The following CCSER1 variants were observed in gnomAD, a reference collection of about 807,000 sequenced individuals.
CCSER1 encodes the protein coiled-coil serine rich protein 1.
A neutral mutation model predicts 82.0 loss-of-function variants in CCSER1; 41 were observed. That is an observed-to-expected ratio of 0.50 (90% CI 0.39 to 0.65). The LOEUF is 0.65. Among genes scored for constraint, CCSER1 ranks in the 30% least tolerant of loss-of-function variants. CCSER1 has a pLI of 0.00. For missense variants in CCSER1, 1,119 were observed against 1,064.2 expected (o/e 1.05, Z -0.72); for synonymous variants, 414 against 383.9 (o/e 1.08, Z -0.92).
intron 10 of CCSER1, among the ~76,000 whole-genome samples, chr4:91,368,756 G>C (rs1749817307): frequency 6.6e-6 from 1 of 151,928 alleles, no homozygotes; most frequent in South Asian, 2.1e-4. Context: ...TAACTATAAA[G>C]TTCACAAAAT....
intron 1 of CCSER1, among the ~76,000 whole-genome samples, chr4:90,221,444 C>A (rs1742135385): frequency 6.6e-6 from 1 of 152,096 alleles, no homozygotes; most frequent in Non-Finnish European, 1.5e-5. Flanking sequence ...TATGCTAAGA[C>A]CTGTACCAGG....
intron 6 of CCSER1, chr4:90,683,078 T>G (rs1221822096): frequency 6.6e-6 from 1 of 152,296 alleles, no homozygotes; most frequent in Admixed American, 6.6e-5. Context: ...CTGAAGAGTC[T>G]CCTGGAAATT....
intron 10 of CCSER1, among the ~76,000 whole-genome samples, chr4:91,462,879 G>T (rs1021552725): frequency 1.3e-5 from 2 of 152,012 alleles, no homozygotes; most frequent in Non-Finnish European, 2.9e-5. Flanking sequence ...ACTGGGTAGA[G>T]CCCACCTCTG....
At chr4:90,262,187 A>T (rs1467842381) in intron 1 of CCSER1, among the ~76,000 whole-genome samples, 1 of 152,000 alleles carries the variant, frequency 6.6e-6, no homozygotes, top group Non-Finnish European at 1.5e-5. Flanking sequence ...CATATTACAA[A>T]TCCCTGTCTT....
chr4:90,276,298 CCTTCCTTCCTTTCTTT>C (rs1560930180), intron 1 of CCSER1, among the ~76,000 whole-genome samples: 1 of 123,022 alleles, frequency 8.1e-6, no homozygotes, highest in Non-Finnish European at 1.7e-5. Context: ...TTCCTTCCTT[CCTTCCTTCCTTTCTTT>C]CTTTTTCTTT....
Position 91,083,024 on chromosome 4 carries a change from C to T in CCSER1, c.2173-2926C>T, listed in dbSNP as rs1365948351. Among the ~76,000 whole-genome samples the T allele has an allele frequency of 3.9e-5, 6 of 152,254 alleles. No homozygotes were observed. In the East Asian group the frequency reaches 9.7e-4, roughly 25 times the overall value. On this transcript the variant is annotated intron_variant, in intron 9 of 10. Transcript: ENST00000509176. Reference sequence around the variant, plus strand: ...GTGGCGATTCCTCAAGGATCTAGAACTAGGAATAGCATTTGACCCAGCCAT... The same window carrying T: ...GTGGCGATTCCTCAAGGATCTAGAATTAGGAATAGCATTTGACCCAGCCAT...
intron 10 of CCSER1, among the ~76,000 whole-genome samples, chr4:91,383,260 T>C (rs973449537): frequency 4.3e-4 from 66 of 152,148 alleles, no homozygotes; most frequent in African/African-American, 1.5e-3. Context: ...GATAAAGGTA[T>C]TGAGCATTTT....
chr4:91,574,043 A>T (rs1167155796), intron 10 of CCSER1, among the ~76,000 whole-genome samples: 1 of 152,136 alleles, frequency 6.6e-6, no homozygotes, highest in Non-Finnish European at 1.5e-5. Context: ...CTATTGTTCC[A>T]TTGATTGGAA....
intron 4 of CCSER1, among the ~76,000 whole-genome samples, chr4:90,466,984 C>T (rs181987504): frequency 1.7e-4 from 26 of 152,272 alleles, no homozygotes; most frequent in Admixed American, 1.0e-3. Context: ...ATAAATAAAT[C>T]GTGGTATATT....
chr4:90,782,074 T>A (rs1267172059), intron 7 of CCSER1: 2 of 567,502 alleles, frequency 3.5e-6, no homozygotes, highest in Non-Finnish European at 4.5e-6. Context: ...CTTTCTTGAG[T>A]ATTCAAGGAT....
chr4:90,607,781 A>G (rs891424084), intron 5 of CCSER1, among the ~76,000 whole-genome samples: 7 of 152,194 alleles, frequency 4.6e-5, no homozygotes, highest in African/African-American at 1.7e-4. Flanking sequence ...AATTCAACCC[A>G]TACAGAGGGT....
At chr4:90,865,891 T>C (rs1018078611) in intron 8 of CCSER1, among the ~76,000 whole-genome samples, 1 of 151,952 alleles carries the variant, frequency 6.6e-6, no homozygotes, top group Non-Finnish European at 1.5e-5. Flanking sequence ...CCACAGGCTG[T>C]ACAGGAAGCA....
chr4:90,851,573 C>CTTTTTT (rs35593031), intron 8 of CCSER1, among the ~76,000 whole-genome samples: 2 of 129,802 alleles, frequency 1.5e-5, no homozygotes, highest in Non-Finnish European at 3.3e-5. Context: ...ACTTATAGAG[C>CTTTTTT]TTTTTTTTTT....
chr4:90,149,864 A>G (rs566365506), intron 1 of CCSER1, among the ~76,000 whole-genome samples: 2 of 152,160 alleles, frequency 1.3e-5, no homozygotes, highest in Non-Finnish European at 2.9e-5. Flanking sequence ...TCTGCATTGT[A>G]TGTAAAAGCA....
chr4:90,783,971 A>G (rs1187991687), intron 7 of CCSER1, among the ~76,000 whole-genome samples: 2 of 151,806 alleles, frequency 1.3e-5, no homozygotes, highest in East Asian at 1.9e-4. Context: ...TGCAACTTAC[A>G]AAAAAAAAGA....
intron 10 of CCSER1, among the ~76,000 whole-genome samples, chr4:91,513,222 T>C (rs904067958): frequency 1.3e-5 from 2 of 152,170 alleles, no homozygotes; most frequent in Admixed American, 6.6e-5. Context: ...TCTATGGAGA[T>C]GATAATTTTT....
At chr4:91,070,000 T>C (rs77596541) in intron 9 of CCSER1, among the ~76,000 whole-genome samples, 15 of 150,440 alleles carry the variant, frequency 1.0e-4, no homozygotes, top group Admixed American at 4.0e-4. Context: ...TTTTTTTTTT[T>C]CCAAGAAATA....
intron 3 of CCSER1, among the ~76,000 whole-genome samples, chr4:90,359,955 G>A (rs1745055619): frequency 6.9e-6 from 1 of 144,030 alleles, no homozygotes; most frequent in African/African-American, 2.5e-5. Flanking sequence ...GTCTCACACT[G>A]TTGCCCTGGC....
intron 9 of CCSER1, among the ~76,000 whole-genome samples, chr4:91,044,266 T>TG (rs1341492598): frequency 2.6e-5 from 4 of 152,182 alleles, no homozygotes; most frequent in Admixed American, 6.6e-5. Flanking sequence ...ATTGCTACAA[T>TG]TCAAAGATAT....
Sources: allele counts gnomAD v4.1 joint callset (sites outside exome capture counted in the v4.1 genomes callset), GRCh38; gene constraint gnomAD v4.1.1; transcripts MANE v1.5; gene names NCBI Gene and HGNC (gene_info 2026-07-23, HGNC 2026-07-21).